The following ABCA5 variants were observed in gnomAD, a reference collection of about 807,000 sequenced individuals.
ABCA5 encodes ATP binding cassette subfamily A member 5.
ABCA5 carries 163 observed loss-of-function variants against 206.0 expected under a neutral mutation model. The observed-to-expected ratio is 0.79, with a 90% CI of 0.70 to 0.90. The LOEUF is 0.90. Among genes scored for constraint, ABCA5 ranks in the 40% least tolerant of loss-of-function variants. The pLI is 0.00. For missense variants in ABCA5, 1,859 were observed against 1,912.9 expected (o/e 0.97, Z 0.53); for synonymous variants, 609 against 613.8 (o/e 0.99, Z 0.11).
At chr17:69,277,534 T>C (rs2075347347) in intron 19 of ABCA5, 107 bp downstream of exon 19, 1 of 878,690 alleles carries the variant, frequency 1.1e-6, no homozygotes, top group Non-Finnish European at 1.6e-6. Flanking sequence ...CTTTCGAAAC[T>C]ATATAAATTA....
rs1200898423 is a variant in ABCA5 at position 69,249,888 on chromosome 17, T to C, written c.4765+17A>G. The C allele has an allele frequency of 3.2e-6, 5 of 1,560,676 alleles. No individual in the cohort carries two copies. The highest frequency in any genetic ancestry group is 2.5e-5 in the South Asian group (2 of 78,730). On this transcript the variant is annotated intron_variant, in intron 37 of 38. Coordinates refer to ENST00000392676, the MANE Select transcript of ABCA5 (RefSeq NM_172232.4). ...TCCTTAGGAATTTTATAAGCCAAAATAGAAGATACTACTTACCTTCTTCCA... is the reference window on the plus strand; with the variant it reads ...TCCTTAGGAATTTTATAAGCCAAAACAGAAGATACTACTTACCTTCTTCCA...
At chr17:69,267,214 C>A (rs2075220142) in intron 23 of ABCA5, among the ~76,000 whole-genome samples, 1 of 152,006 alleles carries the variant, frequency 6.6e-6, no homozygotes, top group South Asian at 2.1e-4. Context: ...ATAATGAGCT[C>A]ATTATTCATC....
At chr17:69,293,521 T>C (rs760969857) in intron 11 of ABCA5, among the ~76,000 whole-genome samples, 2 of 152,162 alleles carry the variant, frequency 1.3e-5, no homozygotes, top group Non-Finnish European at 2.9e-5. Flanking sequence ...GTAGATGTCA[T>C]TAACTTTTAT....
chr17:69,291,157 A>G (rs1296174834), intron 12 of ABCA5, 59 bp downstream of exon 12: 5 of 1,129,028 alleles, frequency 4.4e-6, no homozygotes, highest in Non-Finnish European at 6.1e-6. Flanking sequence ...AAATTATTCA[A>G]TACACATTTA....
At chr17:69,273,837 A>T in intron 20 of ABCA5, 122 bp downstream of exon 20, 1 of 915,740 alleles carries the variant, frequency 1.1e-6, no homozygotes, top group Non-Finnish European at 1.6e-6. Flanking sequence ...ACTATAATTT[A>T]GATTTCATGC....
At chr17:69,250,386 A>G in intron 36 of ABCA5, 86 bp downstream of exon 36, 1 of 1,212,930 alleles carries the variant, frequency 8.2e-7, no homozygotes, top group South Asian at 1.6e-5. Flanking sequence ...GAATGAAAAG[A>G]TGATTTTTCA....
At chr17:69,303,084 T>A (rs1022034426) in intron 7 of ABCA5, among the ~76,000 whole-genome samples, 178 bp from the exon 8 acceptor site, 4 of 152,208 alleles carry the variant, frequency 2.6e-5, no homozygotes, top group Non-Finnish European at 4.4e-5. Flanking sequence ...ATATACCTTT[T>A]AAAAATTTAA....
At chr17:69,312,126 G>T (rs2075776457) in intron 3 of ABCA5, among the ~76,000 whole-genome samples, 1 of 152,116 alleles carries the variant, frequency 6.6e-6, no homozygotes, top group African/African-American at 2.4e-5. Flanking sequence ...ATGCTAATCT[G>T]TCATTTTCTA....
intron 3 of ABCA5, 87 bp from the exon 4 acceptor site, chr17:69,309,510 G>A: frequency 1.0e-6 from 1 of 1,002,012 alleles, no homozygotes; most frequent in Non-Finnish European, 1.4e-6. Flanking sequence ...TTGATGAATG[G>A]AATATTTTAT....
At chr17:69,270,473 G>A (rs567511746) in intron 22 of ABCA5, 140 bp downstream of exon 22, 12 of 721,874 alleles carry the variant, frequency 1.7e-5, no homozygotes, top group Admixed American at 1.5e-4. Context: ...AATGTAAACC[G>A]TTTCTCACTT....
In ABCA5 at chr17:69,324,551, G is replaced by A. The variant is rs8070056; in HGVS notation, c.-16+2501C>T. 1.3e-3 allele frequency among the ~76,000 whole-genome samples: 192 copies of A among 152,322 alleles called. 2 individuals are homozygous for A. The highest frequency in any genetic ancestry group is 4.4e-3 in the African/African-American group (183 of 41,572). On this transcript the variant is annotated intron_variant, in intron 1 of 38. Coordinates refer to ENST00000392676, the MANE Select transcript of ABCA5 (RefSeq NM_172232.4). ...TCTACTGTACTTTTCACAACTGTGAGTCATGTTTAATTTCCTAGCAATCAC... is the reference window on the plus strand; with the variant it reads ...TCTACTGTACTTTTCACAACTGTGAATCATGTTTAATTTCCTAGCAATCAC...
At position 69,253,655 on chromosome 17, in the gene ABCA5, G is replaced by C. The variant is rs751509122; in HGVS notation, c.4333C>G (p.Leu1445Val). ...AGIKRKLCFA[L>V]SMLGNPQITL... is the part of the protein sequence containing the mutation. ...ATCTGAGGATTCCCTAGCATACTTA[G>C]AGCAAAACACAACTACATGGAAAGA... Residue 1445 changes from leucine (L) to valine (V), a missense_variant, in exon 34 of 39, where the codon CTA becomes GTA. Transcript: ENST00000392676. The C allele has an allele frequency of 5.0e-6, 8 of 1,613,332 alleles. No homozygotes were observed. In the Admixed American group the frequency reaches 1.0e-4, roughly 20 times the overall value.
At chr17:69,288,707 TAAA>T (rs56289033) in intron 14 of ABCA5, among the ~76,000 whole-genome samples, 7 of 107,178 alleles carry the variant, frequency 6.5e-5, no homozygotes, top group African/African-American at 1.5e-4. Flanking sequence ...CTCTACAAAT[TAAA>T]AAAAAAAAGA....
At position 69,256,288 on chromosome 17, in the gene ABCA5, A is replaced by G. The variant is rs759630839; in HGVS notation, c.3732-5T>C. 4 of 1,525,620 alleles carry G rather than the reference A, an allele frequency of 2.6e-6. No homozygotes were observed. Among genetic ancestry groups the G allele is most frequent in the Admixed American group, 2.0e-5 (1 of 49,450 alleles). The allele number at this position is 1,525,620 out of a possible 1,614,324, so 94.5% of individuals were successfully genotyped here. On this transcript the variant is annotated splice_polypyrimidine_tract_variant and splice_region_variant and intron_variant, in intron 28 of 38. Transcript: ENST00000392676. ...TTAGACTTCGTTGAAAGGTTTCTACATATATATAATAAATATAAAAGACAG... is the reference window on the plus strand; with the variant it reads ...TTAGACTTCGTTGAAAGGTTTCTACGTATATATAATAAATATAAAAGACAG...
Position 69,289,947 on chromosome 17 carries a change from A to AT in ABCA5, c.1696dup (p.Ile566AsnfsTer4), listed in dbSNP as rs774901286. The AT allele has an allele frequency of 5.6e-6, 9 of 1,612,442 alleles. No homozygotes were observed. Among genetic ancestry groups the AT allele is most frequent in the African/African-American group, 1.3e-5 (1 of 74,890 alleles). On this transcript the variant is annotated frameshift_variant, in exon 13 of 39. Coordinates refer to ENST00000392676, the MANE Select transcript of ABCA5 (RefSeq NM_172232.4). LOFTEE classifies it high-confidence loss of function. ...TTCTACTGTCAAAACATCAAAGTGT[A>AT]TATCTAACTGTGGACAAATGCCAAT...
intron 10 of ABCA5, among the ~76,000 whole-genome samples, chr17:69,295,275 T>A (rs2075573426): frequency 6.6e-6 from 1 of 152,202 alleles, no homozygotes; most frequent in South Asian, 2.1e-4. Context: ...TTTCTTATAA[T>A]GTCATGACCT....
rs193237321 is a variant in ABCA5 at position 69,323,218 on chromosome 17, G to A, written c.-16+3834C>T. ...CAGATGATGCCAGGGATAAAAGACC[G>A]CTGACTGTGATAAAAGACCCTTTGA... On this transcript the variant is annotated intron_variant, in intron 1 of 38. Transcript: ENST00000392676. 8.5e-5 allele frequency among the ~76,000 whole-genome samples: 13 copies of A among 152,116 alleles called. 1 individual carries two copies. In the South Asian group the frequency reaches 1.0e-3, roughly 12 times the overall value.
At chr17:69,294,601 T>C in intron 11 of ABCA5, 54 bp downstream of exon 11, 1 of 1,397,084 alleles carries the variant, frequency 7.2e-7, no homozygotes, top group Non-Finnish European at 1.0e-6. Context: ...ATGCAAATTA[T>C]TTTTCTAGTT....
At chr17:69,262,894 C>A (rs1047902298) in intron 24 of ABCA5, among the ~76,000 whole-genome samples, 2 of 151,966 alleles carry the variant, frequency 1.3e-5, no homozygotes, top group Non-Finnish European at 2.9e-5. Context: ...GCCTCGCCAG[C>A]ATCTGTTGGT....
Sources: allele counts gnomAD v4.1 joint callset (sites outside exome capture counted in the v4.1 genomes callset), GRCh38; gene constraint gnomAD v4.1.1; transcripts MANE v1.5; gene names NCBI Gene and HGNC (gene_info 2026-07-23, HGNC 2026-07-21).